The following RASAL2 variants were observed in gnomAD, a reference collection of about 807,000 sequenced individuals.
RASAL2 encodes the protein RAS protein activator like 2, also known as ras GTPase-activating protein nGAP.
Under a neutral mutation model 128.9 loss-of-function variants are expected in RASAL2, and 58 were observed. The ratio of observed to expected loss-of-function variants is 0.45; its 90% CI spans 0.36 to 0.56. RASAL2 has a LOEUF of 0.56. Among genes scored for constraint, RASAL2 ranks in the 20% least tolerant of loss-of-function variants. The pLI is 0.00. For missense variants in RASAL2, 1,360 were observed against 1,601.6 expected, an observed-to-expected ratio of 0.85 and a Z score of 2.57; for synonymous variants, 561 against 580.8, an observed-to-expected ratio of 0.97 and a Z score of 0.49.
chr1:178,450,934 G>A (rs570626853), intron 9 of RASAL2, among the ~76,000 whole-genome samples: 16 of 152,300 alleles, frequency 1.1e-4, no homozygotes, highest in African/African-American at 3.4e-4. Context: ...AGGTAAGGTA[G>A]GAATTTGTTC....
At chr1:178,176,524 C>T (rs1163565057) in intron 1 of RASAL2, among the ~76,000 whole-genome samples, 3 of 151,952 alleles carry the variant, frequency 2.0e-5, no homozygotes, top group Non-Finnish European at 2.9e-5. Flanking sequence ...CGAGCTTAGA[C>T]GCAGCCTCAG....
chr1:178,467,936 T>A (rs976571864), intron 17 of RASAL2, among the ~76,000 whole-genome samples: 1 of 152,228 alleles, frequency 6.6e-6, no homozygotes, highest in African/African-American at 2.4e-5. Flanking sequence ...CTGCTTGGAA[T>A]GTGCTTGGCT....
At chr1:178,371,404 C>A (rs924440067) in intron 3 of RASAL2, among the ~76,000 whole-genome samples, 1 of 148,726 alleles carries the variant, frequency 6.7e-6, no homozygotes, top group Non-Finnish European at 1.5e-5. Flanking sequence ...CAAAGAAAGA[C>A]AGCTATTGAC....
chr1:178,245,358 A>G (rs1664724240), intron 1 of RASAL2, among the ~76,000 whole-genome samples: 1 of 152,118 alleles, frequency 6.6e-6, no homozygotes, highest in African/African-American at 2.4e-5. Flanking sequence ...TATGTTTGTC[A>G]GCTCCATAAA....
chr1:178,390,151 C>A lies in RASAL2; in HGVS notation c.509C>A (p.Thr170Lys), dbSNP rs767433897. 6.2e-7 allele frequency: 1 copy of A among 1,613,398 alleles called. No homozygotes were observed. The highest frequency in any genetic ancestry group is 1.1e-5 in the South Asian group (1 of 90,940). The change falls in exon 4 of 18, where the codon ACA (threonine) becomes AAA (lysine). Residue 170 changes from threonine (T) to lysine (K), a missense_variant. By Grantham distance (78) the Thr-to-Lys change is moderately conservative (BLOSUM62 -1). This residue lies in a region of RASAL2 where 617 missense variants were observed against 714.2 expected (regional missense o/e 0.86). Transcript: ENST00000367649. ...AGACGGAGTATCTCAGGGACCAGTA[C>A]ATCAGAGAAACCCAACTCCATGGAC... ...PRRRSISGTS[T>K]SEKPNSMDTA...
At chr1:178,406,035 A>C (rs1434980971) in intron 4 of RASAL2, among the ~76,000 whole-genome samples, 1 of 152,118 alleles carries the variant, frequency 6.6e-6, no homozygotes, top group Non-Finnish European at 1.5e-5. Context: ...TCCCCACTCT[A>C]CCTCATTAAC....
At chr1:178,272,755 C>G (rs1318286575) in intron 1 of RASAL2, among the ~76,000 whole-genome samples, 1 of 152,142 alleles carries the variant, frequency 6.6e-6, no homozygotes, top group Non-Finnish European at 1.5e-5. Flanking sequence ...TGGTTAAACC[C>G]TGTCTCTACT....
chr1:178,411,724 G>A (rs61736916), intron 4 of RASAL2: 36,670 of 803,778 alleles, frequency 0.046, 1,121 homozygotes, highest in South Asian at 0.076. Context: ...CATCTGCCGT[G>A]TGACTGGTGG....
chr1:178,299,431 C>T (rs942965013), intron 2 of RASAL2, among the ~76,000 whole-genome samples: 3 of 152,106 alleles, frequency 2.0e-5, no homozygotes, highest in African/African-American at 7.2e-5. Context: ...AAGTACGCAC[C>T]TGGTTATGAT....
At chr1:178,150,674 C>T (rs1220814172) in intron 1 of RASAL2, among the ~76,000 whole-genome samples, 3 of 151,870 alleles carry the variant, frequency 2.0e-5, no homozygotes, top group South Asian at 2.1e-4. Flanking sequence ...GTTGGATCCT[C>T]ATTATTCATC....
At chr1:178,185,465 T>C (rs1662259032) in intron 1 of RASAL2, among the ~76,000 whole-genome samples, 2 of 152,138 alleles carry the variant, frequency 1.3e-5, no homozygotes, top group African/African-American at 4.8e-5. Context: ...TTTGTAGATG[T>C]TTTTTACAAA....
At chr1:178,443,921 C>T (rs1478500762) in intron 8 of RASAL2, among the ~76,000 whole-genome samples, 1 of 152,138 alleles carries the variant, frequency 6.6e-6, no homozygotes, top group Non-Finnish European at 1.5e-5. Flanking sequence ...GATAAAATTA[C>T]ATCTCAGATC....
intron 3 of RASAL2, among the ~76,000 whole-genome samples, chr1:178,349,452 A>C (rs139920832): frequency 6.6e-6 from 1 of 151,882 alleles, no homozygotes; most frequent in South Asian, 2.1e-4. Context: ...TCACCAGTCT[A>C]TGTGTGCCAT....
intron 4 of RASAL2, among the ~76,000 whole-genome samples, chr1:178,406,434 C>G (rs1674004457): frequency 6.6e-6 from 1 of 152,134 alleles, no homozygotes; most frequent in African/African-American, 2.4e-5. Flanking sequence ...AAGGGATTGA[C>G]TGACTACAGA....
rs377728130 is a variant in RASAL2, at chr1:178,208,486, G to A, written c.203-75078G>A. 3.9e-3 allele frequency among the ~76,000 whole-genome samples: 589 copies of A among 152,210 alleles called. 2 individuals are homozygous for A. The highest frequency in any genetic ancestry group is 9.2e-3 in the South Asian group (44 of 4,806). On this transcript the variant is annotated intron_variant, in intron 1 of 17. Transcript: ENST00000367649. ...CTTACTAGGGTGGGAAAAAAACTCC[G>A]CGCTAGTAAATTTGTGATCAGACCA... is the stretch of plus-strand genomic sequence containing the variant.
chr1:178,456,664 CTG>C, intron 12 of RASAL2, 55 bp from the exon 13 acceptor site: 1 of 1,584,104 alleles, frequency 6.3e-7, no homozygotes, highest in Non-Finnish European at 8.7e-7. Flanking sequence ...CAAAAACAAT[CTG>C]TGGTGGATGT....
chr1:178,413,277 C>G (rs1674533317), intron 4 of RASAL2, among the ~76,000 whole-genome samples: 1 of 152,122 alleles, frequency 6.6e-6, no homozygotes, highest in African/African-American at 2.4e-5. Context: ...TTTTTCTTAA[C>G]AAGGTCTGCT....
At chr1:178,332,237 A>G (rs1669356975) in intron 3 of RASAL2, among the ~76,000 whole-genome samples, 1 of 152,082 alleles carries the variant, frequency 6.6e-6, no homozygotes, top group Non-Finnish European at 1.5e-5. Context: ...ACAGTGACTC[A>G]CGCCTGTAAT....
chr1:178,279,201 T>C (rs1371839567), intron 1 of RASAL2, among the ~76,000 whole-genome samples: 1 of 152,226 alleles, frequency 6.6e-6, no homozygotes, highest in African/African-American at 2.4e-5. Flanking sequence ...GGACTTCCTG[T>C]TATATATTAT....
Sources: gnomAD v4.1 joint callset for allele counts (sites outside exome capture counted in the v4.1 genomes callset) on GRCh38, gnomAD v4.1.1 for gene constraint, gnomAD v4.1.1 regional missense constraint, MANE v1.5 for transcripts, NCBI Gene and HGNC (gene_info 2026-07-23, HGNC 2026-07-21) for gene names.